Variants in MBD5 observed in about 807,000 individuals in gnomAD.
The protein encoded by MBD5 is methyl-CpG binding domain protein 5.
A neutral mutation model predicts 117.3 loss-of-function variants in MBD5; 13 were observed. That is an observed-to-expected ratio of 0.11 (90% CI 0.07 to 0.18). MBD5 has a LOEUF of 0.18. Among genes scored for constraint, MBD5 ranks in the 10% least tolerant of loss-of-function variants. The pLI is 1.00. For missense variants in MBD5, 1,879 were observed against 2,093.8 expected (o/e 0.90, Z 2.00); for synonymous variants, 727 against 766.4 (o/e 0.95, Z 0.85).
rs1293907865 is a variant in MBD5, at chr2:148,515,124, A to G, written c.*2183A>G. 3 of 151,938 alleles carry G rather than the reference A, an allele frequency of 2.0e-5. No individual in the cohort carries two copies. The highest frequency in any genetic ancestry group is 4.4e-5 in the Non-Finnish European group (3 of 67,950). The allele number at this position is 151,938 out of a possible 1,614,324, so 9.4% of individuals were successfully genotyped here. On this transcript the variant is annotated 3_prime_UTR_variant, in exon 14 of 14. Coordinates refer to ENST00000642680, the MANE Select transcript of MBD5 (RefSeq NM_001378120.1). ...GTTTTTCTACTGTTTTTTCCTACAC[A>G]TTTTTGTTTATTCACAGACAGACAG...
At chr2:148,112,560 G>A (rs2105356829) in intron 1 of MBD5, among the ~76,000 whole-genome samples, 1 of 152,238 alleles carries the variant, frequency 6.6e-6, no homozygotes, top group East Asian at 1.9e-4. Context: ...GAGCCTCTTT[G>A]CAGTTCATGG....
At chr2:148,358,518 A>C (rs1416521482) in intron 4 of MBD5, among the ~76,000 whole-genome samples, 1 of 151,660 alleles carries the variant, frequency 6.6e-6, no homozygotes, top group Non-Finnish European at 1.5e-5. Context: ...CACGCCTGTA[A>C]GTGCTCACAC....
intron 4 of MBD5, among the ~76,000 whole-genome samples, chr2:148,345,332 TATATACACATATAC>T (rs1703065975): frequency 2.7e-5 from 4 of 147,310 alleles, no homozygotes; most frequent in South Asian, 2.1e-4. Flanking sequence ...TATATATATG[TATATACACATATAC>T]ATATACACAT....
chr2:148,428,205 A>G (rs1359824569), intron 4 of MBD5, among the ~76,000 whole-genome samples: 1 of 152,178 alleles, frequency 6.6e-6, no homozygotes, highest in African/African-American at 2.4e-5. Context: ...CTAATAACAG[A>G]CAAACAGAGA....
At chr2:148,367,191 G>A (rs530280179) in intron 4 of MBD5, among the ~76,000 whole-genome samples, 1 of 152,208 alleles carries the variant, frequency 6.6e-6, no homozygotes, top group East Asian at 1.9e-4. Flanking sequence ...ACAACCATCT[G>A]ATCTTTGACA....
chr2:148,368,375 G>A lies in MBD5; in HGVS notation c.-557+26039G>A, dbSNP rs576637573. Among the ~76,000 whole-genome samples the A allele has an allele frequency of 3.3e-5, 5 of 152,024 alleles. No individual in the cohort carries two copies. The South Asian group carries it at 8.3e-4, about 25-fold the overall frequency. ...AGCATTAGGAGAAATACCTAATGTA[G>A]ATGATGGGTTGATGGGTGCAGCAAA... On this transcript the variant is annotated intron_variant, in intron 4 of 13. Coordinates refer to ENST00000642680, the MANE Select transcript of MBD5 (RefSeq NM_001378120.1).
intron 1 of MBD5, among the ~76,000 whole-genome samples, chr2:148,140,134 A>G (rs1697277649): frequency 6.6e-6 from 1 of 152,216 alleles, no homozygotes; most frequent in East Asian, 1.9e-4. Flanking sequence ...GTAATGTCCT[A>G]GAACACAGAT....
chr2:148,253,431 C>T (rs1360364255), intron 3 of MBD5, among the ~76,000 whole-genome samples: 2 of 152,042 alleles, frequency 1.3e-5, no homozygotes, highest in East Asian at 3.9e-4. Flanking sequence ...ATGACAAATG[C>T]TATAATATGT....
intron 1 of MBD5, chr2:148,071,867 A>G (rs1695366560): frequency 2.0e-5 from 3 of 152,222 alleles, no homozygotes; most frequent in South Asian, 4.1e-4. Flanking sequence ...ACATAAGAAT[A>G]AGAATGCTCT....
chr2:148,498,944 A>C (rs1681788874), intron 11 of MBD5, among the ~76,000 whole-genome samples: 1 of 152,200 alleles, frequency 6.6e-6, no homozygotes, highest in Admixed American at 6.5e-5. Flanking sequence ...AAAACTATTT[A>C]TGTTGAAGAA....
intron 1 of MBD5, among the ~76,000 whole-genome samples, chr2:148,159,243 C>G (rs1697947488): frequency 6.6e-6 from 1 of 152,172 alleles, no homozygotes; most frequent in Non-Finnish European, 1.5e-5. Context: ...CATGACAGCA[C>G]AAAGCCTCAA....
rs1553502857 is a variant in MBD5 at position 148,340,875 on chromosome 2, CAT to C, written c.-679-1337_-679-1336del. ...ACACACACACACACACACACACACA[CAT>C]AGCATTTATTATTGAAACTGATACT... On this transcript the variant is annotated intron_variant, in intron 3 of 13. Coordinates refer to ENST00000642680, the MANE Select transcript of MBD5 (RefSeq NM_001378120.1). 1.2e-3 allele frequency among the ~76,000 whole-genome samples: 172 copies of C among 144,640 alleles called. 2 individuals are homozygous for C. The highest frequency in any genetic ancestry group is 3.5e-3 in the Middle Eastern group (1 of 282). 94.9% of individuals were successfully genotyped at this position (144,640 alleles called of 152,430 possible).
At chr2:148,500,868 G>T (rs182655954) in intron 11 of MBD5, among the ~76,000 whole-genome samples, 53 of 152,224 alleles carry the variant, frequency 3.5e-4, no homozygotes, top group African/African-American at 1.2e-3. Flanking sequence ...CAAGATGGAG[G>T]CTCATTTCTA....
intron 1 of MBD5, among the ~76,000 whole-genome samples, chr2:148,176,304 G>GTTTTTTTT (rs34981118): frequency 1.0e-5 from 1 of 98,924 alleles, no homozygotes; most frequent in Non-Finnish European, 2.0e-5. Context: ...TTAGAGTTTT[G>GTTTTTTTT]TTTTTTTTTT....
intron 3 of MBD5, among the ~76,000 whole-genome samples, chr2:148,257,724 G>A (rs375545051): frequency 6.6e-6 from 1 of 152,314 alleles, no homozygotes; most frequent in South Asian, 2.1e-4. Flanking sequence ...GACATATGGT[G>A]GGACTATGCA....
chr2:148,433,205 C>A (rs2105349607), intron 4 of MBD5, among the ~76,000 whole-genome samples: 1 of 152,158 alleles, frequency 6.6e-6, no homozygotes, highest in South Asian at 2.1e-4. Flanking sequence ...GATTTTTGTT[C>A]TTCGATTTTG....
At chr2:148,038,542 A>G (rs1211431268) in intron 1 of MBD5, among the ~76,000 whole-genome samples, 1 of 150,964 alleles carries the variant, frequency 6.6e-6, no homozygotes, top group African/African-American at 2.4e-5. Flanking sequence ...AAAGGAAAAG[A>G]AAAAGAAAAC....
intron 1 of MBD5, among the ~76,000 whole-genome samples, chr2:148,052,182 C>A (rs945300235): frequency 4.9e-5 from 6 of 123,016 alleles, no homozygotes; most frequent in Admixed American, 1.6e-4. Flanking sequence ...TGTTTATTTT[C>A]TTATGGTATA....
chr2:148,037,364 C>T (rs987947124), intron 1 of MBD5, among the ~76,000 whole-genome samples: 2 of 152,040 alleles, frequency 1.3e-5, no homozygotes, highest in African/African-American at 4.8e-5. Flanking sequence ...TGCATAGAAT[C>T]AGGAAACCTA....
Sources: gnomAD v4.1 joint callset for allele counts (sites outside exome capture counted in the v4.1 genomes callset) on GRCh38, gnomAD v4.1.1 for gene constraint, MANE v1.5 for transcripts, NCBI Gene and HGNC (gene_info 2026-07-23, HGNC 2026-07-21) for gene names.